The following TTC39B variants were observed in gnomAD, a reference collection of about 807,000 sequenced individuals.
TTC39B encodes tetratricopeptide repeat protein 39B.
TTC39B carries 92 observed loss-of-function variants against 96.6 expected under a neutral mutation model. That is an observed-to-expected ratio of 0.95 (90% CI 0.80 to 1.13). TTC39B has a LOEUF of 1.13. Among genes scored for constraint, TTC39B ranks in the 50% most tolerant of loss-of-function variants. The pLI is 0.00. For missense variants in TTC39B, 955 were observed against 809.3 expected (o/e 1.18, Z -2.18); for synonymous variants, 367 against 299.4 (o/e 1.23, Z -2.33).
intron 1 of TTC39B, among the ~76,000 whole-genome samples, chr9:15,305,523 G>T (rs1824727621): frequency 6.6e-6 from 1 of 152,048 alleles, no homozygotes; most frequent in Admixed American, 6.5e-5. Flanking sequence ...GAATGATATG[G>T]CAAAAACTGA....
intron 16 of TTC39B, among the ~76,000 whole-genome samples, chr9:15,184,352 G>A (rs1818406217): frequency 6.7e-6 from 1 of 149,964 alleles, no homozygotes; most frequent in East Asian, 2.0e-4. Flanking sequence ...TCATTGCAGT[G>A]TATAATTGTA....
intron 1 of TTC39B, among the ~76,000 whole-genome samples, chr9:15,291,462 A>G (rs1407174894): frequency 6.6e-6 from 1 of 152,230 alleles, no homozygotes; most frequent in East Asian, 1.9e-4. Flanking sequence ...AGTGAACTGT[A>G]AGTCCATTAA....
intron 2 of TTC39B, among the ~76,000 whole-genome samples, chr9:15,247,409 T>C (rs1208831445): frequency 1.3e-5 from 2 of 152,088 alleles, no homozygotes; most frequent in Non-Finnish European, 2.9e-5. Context: ...TGCTATAATA[T>C]CTCTCCTGAA....
intron 1 of TTC39B, among the ~76,000 whole-genome samples, chr9:15,269,996 C>A (rs1323592227): frequency 6.6e-6 from 1 of 152,090 alleles, no homozygotes; most frequent in Non-Finnish European, 1.5e-5. Context: ...TGGTGAAACC[C>A]CATTCCTACT....
At chr9:15,174,484 C>T (rs569063296) in intron 19 of TTC39B, among the ~76,000 whole-genome samples, 12 of 152,180 alleles carry the variant, frequency 7.9e-5, no homozygotes, top group Middle Eastern at 3.4e-3. Context: ...TTGAAACTGC[C>T]GCAATAAACA....
At chr9:15,218,635 A>AAAAAAAAAAAATAT (rs374054306) in intron 3 of TTC39B, among the ~76,000 whole-genome samples, 5 of 149,448 alleles carry the variant, frequency 3.3e-5, no homozygotes, top group African/African-American at 1.2e-4. Context: ...GTCTATTTTA[A>AAAAAAAAAAAATAT]ATATATATAT....
chr9:15,253,853 C>A (rs1484614672), intron 2 of TTC39B, among the ~76,000 whole-genome samples: 4 of 152,228 alleles, frequency 2.6e-5, no homozygotes, highest in Non-Finnish European at 4.4e-5. Context: ...AATTATATGC[C>A]TTAATTTGCT....
At chr9:15,215,401 T>C (rs1362517414) in intron 3 of TTC39B, among the ~76,000 whole-genome samples, 1 of 150,246 alleles carries the variant, frequency 6.7e-6, no homozygotes, top group Non-Finnish European at 1.5e-5. Context: ...CTACTAAAAA[T>C]ACAAAACTAG....
At chr9:15,192,971 G>A (rs112646618) in intron 8 of TTC39B, among the ~76,000 whole-genome samples, 3,285 of 152,226 alleles carry the variant, frequency 0.022, 132 homozygotes, top group African/African-American at 0.075. Context: ...GCCAGGAGCC[G>A]CAGGACCACA....
chr9:15,203,127 C>T (rs1819636804), intron 7 of TTC39B, among the ~76,000 whole-genome samples: 1 of 152,220 alleles, frequency 6.6e-6, no homozygotes, highest in Admixed American at 6.5e-5. Context: ...GGGACACTTC[C>T]TCTGCCCGGG....
intron 2 of TTC39B, among the ~76,000 whole-genome samples, chr9:15,240,969 A>C (rs1564379828): frequency 6.6e-6 from 1 of 152,148 alleles, no homozygotes; most frequent in Non-Finnish European, 1.5e-5. Context: ...TCATGCATCT[A>C]CCTTTGCTAA....
At chr9:15,233,799 G>A (rs994795532) in intron 2 of TTC39B, among the ~76,000 whole-genome samples, 11 of 151,598 alleles carry the variant, frequency 7.3e-5, no homozygotes, top group Non-Finnish European at 1.3e-4. Context: ...AGTGAGGAGC[G>A]TCTCTGCCTG....
chr9:15,298,443 G>A (rs758170050), intron 1 of TTC39B, among the ~76,000 whole-genome samples: 10 of 152,162 alleles, frequency 6.6e-5, no homozygotes, highest in Non-Finnish European at 1.0e-4. Context: ...ATTTCCACAC[G>A]GCTGGGAAAG....
At chr9:15,271,990 T>G (rs1038867386) in intron 1 of TTC39B, among the ~76,000 whole-genome samples, 13 of 152,236 alleles carry the variant, frequency 8.5e-5, no homozygotes, top group Non-Finnish European at 1.6e-4. Flanking sequence ...GGAAAAGTGA[T>G]GTGGGGTCCA....
At position 15,167,009 on chromosome 9, in the gene TTC39B, TATATATATATATATATATA is replaced by T. The variant is rs1462343018; in HGVS notation, c.*4991_*5009del. On this transcript the variant is annotated 3_prime_UTR_variant, in exon 20 of 20. Transcript: ENST00000512701. ...ATATATATATATATATATATATATA[TATATATATATATATATATA>T]TTTTTTTTTTTTTTTTTTTTTTTTT... 25 of 7,606 alleles carry T rather than the reference TATATATATATATATATATA, an allele frequency of 3.3e-3. 1 individual carries two copies. The highest frequency in any genetic ancestry group is 4.3e-3 in the Admixed American group (3 of 696). 0.5% of individuals were successfully genotyped at this position (7,606 alleles called of 1,614,324 possible).
In TTC39B at chr9:15,271,302, T is replaced by C. The variant is rs140769468; in HGVS notation, c.241-3354A>G. ...GGAGTCCGCACACTGTGAAGTTACA[T>C]GTTGACTTACAGGATTTTTAGTGGC... On this transcript the variant is annotated intron_variant, in intron 1 of 19. Transcript: ENST00000512701. Among the ~76,000 whole-genome samples the C allele has an allele frequency of 8.2e-3, 1,250 of 152,294 alleles. 19 individuals carry two copies. The highest frequency in any genetic ancestry group is 0.029 in the African/African-American group (1,203 of 41,552).
intron 17 of TTC39B, among the ~76,000 whole-genome samples, chr9:15,178,546 G>C (rs756559236): frequency 6.6e-6 from 1 of 152,238 alleles, no homozygotes; most frequent in African/African-American, 2.4e-5. Context: ...CTGCACTGCA[G>C]CCTGGGTGAA....
At chr9:15,234,025 A>G (rs2488958) in intron 2 of TTC39B, among the ~76,000 whole-genome samples, 25,273 of 123,466 alleles carry the variant, frequency 0.2, 2,315 homozygotes, top group Non-Finnish European at 0.22. Flanking sequence ...CTGGGATGTG[A>G]GGAGCGCCTC....
intron 2 of TTC39B, among the ~76,000 whole-genome samples, chr9:15,260,325 T>C (rs1347907722): frequency 4.0e-5 from 6 of 151,500 alleles, no homozygotes; most frequent in Non-Finnish European, 8.8e-5. Flanking sequence ...ACAATATGAA[T>C]GGCATCTTAG....
Sources: allele counts gnomAD v4.1 joint callset (sites outside exome capture counted in the v4.1 genomes callset), GRCh38; gene constraint gnomAD v4.1.1; transcripts MANE v1.5; gene names NCBI Gene and HGNC (gene_info 2026-07-23, HGNC 2026-07-21).